OSBPL8: variants seen among roughly 807,000 people sequenced by gnomAD.
OSBPL8 encodes the protein oxysterol binding protein like 8.
Under a neutral mutation model 125.5 loss-of-function variants are expected in OSBPL8, and 59 were observed. That is an observed-to-expected ratio of 0.47 (90% CI 0.38 to 0.58). The LOEUF is 0.58. Ranked by LOEUF, OSBPL8 falls within the 20% of genes least tolerant of loss-of-function variation. The pLI is 0.00. For missense variants in OSBPL8, 758 were observed against 1,047.8 expected, an observed-to-expected ratio of 0.72 and a Z score of 3.82; for synonymous variants, 330 against 338.9, an observed-to-expected ratio of 0.97 and a Z score of 0.29.
At chr12:76,446,286 C>T (rs1176113153) in intron 4 of OSBPL8, among the ~76,000 whole-genome samples, 1 of 152,096 alleles carries the variant, frequency 6.6e-6, no homozygotes, top group African/African-American at 2.4e-5. Context: ...GGTTTATCTC[C>T]TCCAGCAGTT....
chr12:76,464,667 C>A (rs1039560721), intron 2 of OSBPL8, among the ~76,000 whole-genome samples: 3 of 152,174 alleles, frequency 2.0e-5, no homozygotes, highest in Admixed American at 1.3e-4. Context: ...GAAGGCCACC[C>A]TAATAATAAT....
intron 7 of OSBPL8, 38 bp from the exon 8 acceptor site, chr12:76,397,935 G>C: frequency 6.3e-7 from 1 of 1,576,750 alleles, no homozygotes; most frequent in Non-Finnish European, 8.7e-7. Context: ...AGGAAGATCT[G>C]TTCTCCAAGG....
chr12:76,387,469 A>G (rs1186555133), intron 12 of OSBPL8, among the ~76,000 whole-genome samples: 1 of 152,206 alleles, frequency 6.6e-6, no homozygotes, highest in Non-Finnish European at 1.5e-5. Flanking sequence ...TTTATTTTAA[A>G]GAAGAAATTT....
At chr12:76,381,095 A>G (rs138943103) in intron 15 of OSBPL8, among the ~76,000 whole-genome samples, 27 of 152,280 alleles carry the variant, frequency 1.8e-4, no homozygotes, top group Middle Eastern at 6.8e-3. Context: ...CTTTTAATAT[A>G]CTGATCATGA....
intron 1 of OSBPL8, among the ~76,000 whole-genome samples, chr12:76,498,362 T>C (rs1222731276): frequency 6.6e-6 from 1 of 152,240 alleles, no homozygotes; most frequent in African/African-American, 2.4e-5. Context: ...TTAGGGTTTG[T>C]CTTGAAACTA....
At chr12:76,374,256 T>C (rs1480725124) in intron 17 of OSBPL8, among the ~76,000 whole-genome samples, 9 of 152,142 alleles carry the variant, frequency 5.9e-5, no homozygotes, top group Non-Finnish European at 1.0e-4. Flanking sequence ...GTTCTCAAAT[T>C]TCCCTTTCAT....
At chr12:76,421,210 A>C (rs1445438071) in intron 4 of OSBPL8, among the ~76,000 whole-genome samples, 1 of 152,048 alleles carries the variant, frequency 6.6e-6, no homozygotes, top group Non-Finnish European at 1.5e-5. Flanking sequence ...ACAGAAATGA[A>C]ACTCATTTTA....
At chr12:76,537,483 CA>C (rs1445266512) in intron 1 of OSBPL8, among the ~76,000 whole-genome samples, 2 of 152,054 alleles carry the variant, frequency 1.3e-5, no homozygotes, top group Non-Finnish European at 2.9e-5. Context: ...GTATTATTTT[CA>C]ATGTCTTATC....
chr12:76,461,052 TC>T (rs1168012522), intron 2 of OSBPL8, among the ~76,000 whole-genome samples: 1 of 152,216 alleles, frequency 6.6e-6, no homozygotes, highest in African/African-American at 2.4e-5. Context: ...TTGTGCAGTT[TC>T]CCATTTAATC....
At chr12:76,523,463 T>C (rs1950078121) in intron 1 of OSBPL8, among the ~76,000 whole-genome samples, 1 of 152,224 alleles carries the variant, frequency 6.6e-6, no homozygotes. Flanking sequence ...TGAACTTGAA[T>C]ATTTATGTCC....
rs548938062 is a variant in OSBPL8, at chr12:76,460,435, A to G, written c.43-540T>C. ...ATTGAGTGCTTGTTACATGCCAAGC[A>G]TTGTGTGAAGAGCATCTACAGAGGC... On this transcript the variant is annotated intron_variant, in intron 2 of 23. Transcript: ENST00000261183. 4.0e-4 allele frequency among the ~76,000 whole-genome samples: 60 copies of G among 151,310 alleles called. 1 individual carries two copies. In the South Asian group the frequency reaches 0.011, roughly 29 times the overall value.
intron 21 of OSBPL8, among the ~76,000 whole-genome samples, chr12:76,367,275 T>G (rs1160358408): frequency 6.6e-6 from 1 of 151,280 alleles, no homozygotes; most frequent in African/African-American, 2.4e-5. Flanking sequence ...GACCCTTTTA[T>G]CAATACGCCA....
In OSBPL8 at chr12:76,371,552, A is replaced by G; in HGVS notation, c.1950T>C (p.Thr650=). 3.7e-6 allele frequency: 6 copies of G among 1,609,378 alleles called. No individual in the cohort carries two copies. The highest frequency in any genetic ancestry group is 5.1e-6 in the Non-Finnish European group (6 of 1,177,806). The change falls in exon 19 of 24, where the codon ACT becomes ACC. Residue 650 remains threonine (T), a synonymous_variant. Transcript: ENST00000261183. ...GATTCCAGAAAACCTCTGAATTATC[A>G]GTCTTTTTATCAGTAATAAAAACTT... ...DSEVFITDKK[T]DNSEVFWNPT...
intron 1 of OSBPL8, among the ~76,000 whole-genome samples, chr12:76,543,911 C>T (rs1438105283): frequency 6.6e-6 from 1 of 152,146 alleles, no homozygotes; most frequent in Non-Finnish European, 1.5e-5. Flanking sequence ...AATTAAATTA[C>T]CATTCAAATC....
intron 1 of OSBPL8, among the ~76,000 whole-genome samples, chr12:76,497,909 T>G (rs944479589): frequency 6.6e-6 from 1 of 152,174 alleles, no homozygotes; most frequent in Non-Finnish European, 1.5e-5. Flanking sequence ...AAGGAACACA[T>G]GAATTTATAT....
intron 5 of OSBPL8, among the ~76,000 whole-genome samples, chr12:76,404,440 A>G (rs1447515821): frequency 1.3e-5 from 2 of 152,184 alleles, no homozygotes; most frequent in Non-Finnish European, 2.9e-5. Context: ...CTCTTGAACA[A>G]CATAGGTTTG....
In OSBPL8 at chr12:76,390,530, T is replaced by G; in HGVS notation, c.1057A>C (p.Ser353Arg). 1 of 1,613,914 alleles carries G rather than the reference T, an allele frequency of 6.2e-7. No individual in the cohort carries two copies. The highest frequency in any genetic ancestry group is 8.5e-7 in the Non-Finnish European group (1 of 1,179,882). The change falls in exon 11 of 24, where the codon AGT becomes CGT. Residue 353 changes from serine to arginine, a missense_variant. Physicochemically the swap from Ser to Arg is moderately radical, Grantham distance 110. This residue lies in a region of OSBPL8 where 572 missense variants were observed against 762.0 expected (regional missense o/e 0.75). Transcript: ENST00000261183. ...DNEVMGKSEE[S>R]DTDTSERQDD... is the part of the protein sequence containing the mutation. ...TGTCTTTCTGATGTATCTGTGTCACTTTCTTCACTTTTCCCCATCACCTCA... is the reference window on the plus strand; with the variant it reads ...TGTCTTTCTGATGTATCTGTGTCACGTTCTTCACTTTTCCCCATCACCTCA...
At chr12:76,457,061 T>A (rs959739501) in intron 3 of OSBPL8, among the ~76,000 whole-genome samples, 9 of 152,188 alleles carry the variant, frequency 5.9e-5, no homozygotes, top group African/African-American at 2.2e-4. Flanking sequence ...CGAAACATGA[T>A]GAAAATAGGC....
intron 6 of OSBPL8, among the ~76,000 whole-genome samples, chr12:76,401,042 C>CA (rs1413107174): frequency 6.6e-6 from 1 of 152,072 alleles, no homozygotes; most frequent in Non-Finnish European, 1.5e-5. Flanking sequence ...GCCCGCCTCT[C>CA]AAAGTGCTGG....
Sources: allele counts gnomAD v4.1 joint callset (sites outside exome capture counted in the v4.1 genomes callset), GRCh38; gene constraint gnomAD v4.1.1; regional missense constraint gnomAD v4.1.1; transcripts MANE v1.5; gene names NCBI Gene and HGNC (gene_info 2026-07-23, HGNC 2026-07-21).